FRMD4A: variants seen among roughly 807,000 people sequenced by gnomAD.
The protein encoded by FRMD4A is FERM domain containing 4A.
FRMD4A carries 29 observed loss-of-function variants against 129.1 expected under a neutral mutation model. The observed-to-expected ratio is 0.22, with a 90% CI of 0.17 to 0.31. The LOEUF (loss-of-function observed/expected upper bound fraction) is 0.31, where lower values mean the gene tolerates loss of function less well. Ranked by LOEUF, FRMD4A falls within the 10% of genes least tolerant of loss-of-function variation. The pLI, the probability that FRMD4A is intolerant of heterozygous loss-of-function variation, is 1.00. For synonymous variants in FRMD4A, 634 were observed against 571.6 expected (o/e 1.11, Z -1.56); for missense variants, 1,272 against 1,375.8 (o/e 0.92, Z 1.19).
intron 2 of FRMD4A, among the ~76,000 whole-genome samples, chr10:13,950,541 T>G (rs555517733): frequency 6.6e-6 from 1 of 152,282 alleles, no homozygotes; most frequent in South Asian, 2.1e-4. Flanking sequence ...CAAGGCAGAA[T>G]GGACCAGGTA....
chr10:14,082,807 T>C (rs1251690670), intron 2 of FRMD4A: 4 of 152,194 alleles, frequency 2.6e-5, no homozygotes, highest in Non-Finnish European at 5.9e-5. Flanking sequence ...GATTTGGCTG[T>C]GACTGATCTG....
chr10:13,937,418 T>C (rs2095257739), intron 2 of FRMD4A, among the ~76,000 whole-genome samples: 1 of 152,206 alleles, frequency 6.6e-6, no homozygotes, highest in East Asian at 1.9e-4. Context: ...AAGTCAAAAC[T>C]ACAACTCCCG....
At chr10:14,049,681 C>G (rs1232254667) in intron 2 of FRMD4A, among the ~76,000 whole-genome samples, 3 of 152,048 alleles carry the variant, frequency 2.0e-5, no homozygotes, top group Non-Finnish European at 2.9e-5. Context: ...ATGGCAAAAC[C>G]CTGTCTCTAC....
chr10:14,050,969 T>G (rs1158919244), intron 2 of FRMD4A, among the ~76,000 whole-genome samples: 1 of 152,184 alleles, frequency 6.6e-6, no homozygotes, highest in Non-Finnish European at 1.5e-5. Flanking sequence ...TGGGACCCCC[T>G]AATTTATTGC....
intron 2 of FRMD4A, among the ~76,000 whole-genome samples, chr10:14,034,904 A>C (rs2131666360): frequency 6.6e-6 from 1 of 152,334 alleles, no homozygotes; most frequent in Admixed American, 6.5e-5. Flanking sequence ...CCAATAATGC[A>C]GGTGCATAGT....
intron 2 of FRMD4A, among the ~76,000 whole-genome samples, chr10:14,130,337 T>G (rs141251137): frequency 0.013 from 1,994 of 152,306 alleles, 58 homozygotes; most frequent in African/African-American, 0.046. Context: ...CATAGCTCAC[T>G]GTAATCTTGA....
rs141518534 is a variant in FRMD4A at position 14,328,829 on chromosome 10, A to G, written c.45+1229T>C. The stretch of plus-strand genomic sequence containing the variant: ...TGACCACAGGTAGACGATGGAGGAT[A>G]AAGTATCATCAGACGATAGAATTAG... On this transcript the variant is annotated intron_variant, in intron 2 of 24. Coordinates refer to ENST00000357447, the MANE Select transcript of FRMD4A (RefSeq NM_018027.5). Among the ~76,000 whole-genome samples, 12 of 152,320 alleles carry G rather than the reference A, an allele frequency of 7.9e-5. No homozygotes were observed. The East Asian group carries it at 2.3e-3, about 29-fold the overall frequency.
chr10:13,901,857 G>A (rs554042557), intron 2 of FRMD4A, among the ~76,000 whole-genome samples: 1 of 152,202 alleles, frequency 6.6e-6, no homozygotes, highest in South Asian at 2.1e-4. Flanking sequence ...CCCCAGTGAT[G>A]ACTTGGGAGG....
intron 2 of FRMD4A, among the ~76,000 whole-genome samples, chr10:14,100,821 T>A (rs996877613): frequency 6.6e-6 from 1 of 152,214 alleles, no homozygotes; most frequent in Non-Finnish European, 1.5e-5. Context: ...AAAGTAAATA[T>A]CTAAGGGAAA....
chr10:13,861,412 T>G (rs972749438), intron 2 of FRMD4A, among the ~76,000 whole-genome samples: 2 of 152,154 alleles, frequency 1.3e-5, no homozygotes, highest in Admixed American at 6.5e-5. Context: ...TCAAGTCGGG[T>G]TTTCCTTGTT....
intron 2 of FRMD4A, among the ~76,000 whole-genome samples, chr10:14,248,456 G>A (rs1442544328): frequency 1.5e-5 from 2 of 131,866 alleles, no homozygotes; most frequent in Non-Finnish European, 3.2e-5. Flanking sequence ...TATCTCTAGA[G>A]CCAATTTTAG....
chr10:13,999,981 C>T (rs1240973747), intron 2 of FRMD4A, among the ~76,000 whole-genome samples: 1 of 152,216 alleles, frequency 6.6e-6, no homozygotes, highest in Non-Finnish European at 1.5e-5. Flanking sequence ...ACTCAATAAA[C>T]ACTTGTTTAT....
intron 2 of FRMD4A, among the ~76,000 whole-genome samples, chr10:14,134,533 A>G (rs7074970): frequency 0.66 from 99,544 of 150,710 alleles, 33,374 homozygotes; most frequent in East Asian, 0.79. Flanking sequence ...ATGGGTGAAA[A>G]GATGGAGGGA....
chr10:14,087,227 T>G (rs997111156), intron 2 of FRMD4A, among the ~76,000 whole-genome samples: 1 of 147,692 alleles, frequency 6.8e-6, no homozygotes, highest in Non-Finnish European at 1.5e-5. Context: ...ATAAATTATA[T>G]ATTAATTATA....
intron 2 of FRMD4A, among the ~76,000 whole-genome samples, chr10:14,281,929 A>C (rs557001038): frequency 1.3e-5 from 2 of 152,358 alleles, no homozygotes; most frequent in East Asian, 3.9e-4. Flanking sequence ...GCTGATAAAG[A>C]CATACCCAGA....
At chr10:14,322,160 T>A (rs1843084610) in intron 2 of FRMD4A, among the ~76,000 whole-genome samples, 1 of 151,940 alleles carries the variant, frequency 6.6e-6, no homozygotes, top group African/African-American at 2.4e-5. Flanking sequence ...CTACACTAGG[T>A]ATGAGAGAGT....
chr10:14,116,871 T>A (rs942473661), intron 2 of FRMD4A, among the ~76,000 whole-genome samples: 1 of 152,250 alleles, frequency 6.6e-6, no homozygotes, highest in Non-Finnish European at 1.5e-5. Flanking sequence ...CTTCCTGTTA[T>A]GTTACATCTG....
intron 2 of FRMD4A, among the ~76,000 whole-genome samples, chr10:13,907,861 T>TA (rs34704231): frequency 0.84 from 122,726 of 145,552 alleles, 51,782 homozygotes; most frequent in East Asian, 0.99. Flanking sequence ...TAAAGTCACT[T>TA]AAAAAAAAAA....
At chr10:13,767,024 G>C (rs1051271526) in intron 6 of FRMD4A, among the ~76,000 whole-genome samples, 3 of 152,142 alleles carry the variant, frequency 2.0e-5, no homozygotes, top group Non-Finnish European at 2.9e-5. Context: ...AGTGAGCCGA[G>C]ATAGCGCCAC....
Sources: allele counts gnomAD v4.1 joint callset (sites outside exome capture counted in the v4.1 genomes callset), GRCh38; gene constraint gnomAD v4.1.1; transcripts MANE v1.5; gene names NCBI Gene and HGNC (gene_info 2026-07-23, HGNC 2026-07-21).